The following LDLRAD4 variants were observed in gnomAD, a reference collection of about 807,000 sequenced individuals.
The protein encoded by LDLRAD4 is low-density lipoprotein receptor class A domain-containing protein 4.
LDLRAD4 carries 5 observed loss-of-function variants against 17.0 expected under a neutral mutation model. That is an observed-to-expected ratio of 0.29 (90% CI 0.15 to 0.62). The LOEUF (loss-of-function observed/expected upper bound fraction) is 0.62, where lower values mean the gene tolerates loss of function less well. Among genes scored for constraint, LDLRAD4 ranks in the 20% least tolerant of loss-of-function variants. The pLI is 0.84. For synonymous variants in LDLRAD4, 168 were observed against 171.8 expected, an observed-to-expected ratio of 0.98 and a Z score of 0.17; for missense variants, 340 against 424.7, an observed-to-expected ratio of 0.80 and a Z score of 1.75.
At chr18:13,278,998 C>G (rs2146234482) in intron 1 of LDLRAD4, among the ~76,000 whole-genome samples, 1 of 152,336 alleles carries the variant, frequency 6.6e-6, no homozygotes, top group South Asian at 2.1e-4. Context: ...CACACAGACC[C>G]TGGAATGTAA....
chr18:13,382,431 A>G (rs2085438667), intron 1 of LDLRAD4: 1 of 152,212 alleles, frequency 6.6e-6, no homozygotes, highest in Non-Finnish European at 1.5e-5. Context: ...GTGAGTGTTC[A>G]TGTTTTTAAA....
intron 3 of LDLRAD4, among the ~76,000 whole-genome samples, chr18:13,580,652 G>C (rs2094843701): frequency 6.6e-6 from 1 of 152,210 alleles, no homozygotes; most frequent in Admixed American, 6.5e-5. Context: ...CTGGTCCCCA[G>C]ACTTCTCGGG....
At chr18:13,396,832 G>A (rs557489088) in intron 2 of LDLRAD4, among the ~76,000 whole-genome samples, 2 of 152,320 alleles carry the variant, frequency 1.3e-5, no homozygotes, top group Admixed American at 6.5e-5. Flanking sequence ...AATATTTTCA[G>A]TCTGCAGTTA....
chr18:13,447,860 G>A (rs915675106), intron 3 of LDLRAD4, among the ~76,000 whole-genome samples: 2 of 152,188 alleles, frequency 1.3e-5, no homozygotes, highest in African/African-American at 2.4e-5. Flanking sequence ...CTGCCTGAGC[G>A]AAGCCCTGGT....
At chr18:13,456,587 C>T (rs181772165) in intron 3 of LDLRAD4, among the ~76,000 whole-genome samples, 1 of 152,288 alleles carries the variant, frequency 6.6e-6, no homozygotes, top group Admixed American at 6.5e-5. Context: ...GTAAATCCCT[C>T]CAAGGGAGGG....
chr18:13,249,802 C>G (rs1012073259), intron 1 of LDLRAD4, among the ~76,000 whole-genome samples: 2 of 152,056 alleles, frequency 1.3e-5, no homozygotes, highest in African/African-American at 4.8e-5. Flanking sequence ...CTTTTGGAGT[C>G]TTACTTATAA....
chr18:13,601,640 T>G (rs1250249071), intron 3 of LDLRAD4, among the ~76,000 whole-genome samples: 4 of 126,386 alleles, frequency 3.2e-5, no homozygotes, highest in African/African-American at 9.1e-5. Context: ...GGCGACAGAG[T>G]GAGACTCTGT....
At chr18:13,492,013 A>G (rs1323567163) in intron 3 of LDLRAD4, among the ~76,000 whole-genome samples, 1 of 152,246 alleles carries the variant, frequency 6.6e-6, no homozygotes, top group African/African-American at 2.4e-5. Flanking sequence ...TTTCTTGGGT[A>G]TAATGAATAC....
chr18:13,603,890 C>G (rs187066787), intron 3 of LDLRAD4, among the ~76,000 whole-genome samples: 1 of 152,210 alleles, frequency 6.6e-6, no homozygotes, highest in African/African-American at 2.4e-5. Flanking sequence ...TCGTGGTGGC[C>G]GGCACATAGT....
At chr18:13,476,386 AG>A (rs2092940234) in intron 3 of LDLRAD4, among the ~76,000 whole-genome samples, 2 of 152,112 alleles carry the variant, frequency 1.3e-5, no homozygotes, top group Admixed American at 1.3e-4. Context: ...GCACTTTGGG[AG>A]GCTGAGGCAG....
intron 3 of LDLRAD4, among the ~76,000 whole-genome samples, chr18:13,512,049 C>T (rs776948355): frequency 1.4e-4 from 22 of 152,176 alleles, no homozygotes; most frequent in Non-Finnish European, 2.4e-4. Flanking sequence ...GGAGCGCTTG[C>T]GTTGCTCCGT....
chr18:13,256,918 GAA>G (rs1157751760), intron 1 of LDLRAD4, among the ~76,000 whole-genome samples: 1 of 152,240 alleles, frequency 6.6e-6, no homozygotes, highest in Admixed American at 6.5e-5. Flanking sequence ...CACTTACTTG[GAA>G]AATATTGCCC....
chr18:13,571,066 C>G (rs1336525498), intron 3 of LDLRAD4, among the ~76,000 whole-genome samples: 1 of 152,116 alleles, frequency 6.6e-6, no homozygotes, highest in East Asian at 1.9e-4. Context: ...GCGATCCTCC[C>G]GCCTCAGCCT....
intron 3 of LDLRAD4, among the ~76,000 whole-genome samples, chr18:13,548,808 C>T (rs549960764): frequency 8.9e-4 from 136 of 152,362 alleles, no homozygotes; most frequent in African/African-American, 3.1e-3. Flanking sequence ...AGGGAGCACA[C>T]GGCCCCACCC....
At chr18:13,492,856 G>A (rs1568248264) in intron 3 of LDLRAD4, among the ~76,000 whole-genome samples, 2 of 152,206 alleles carry the variant, frequency 1.3e-5, no homozygotes, top group African/African-American at 4.8e-5. Context: ...CGGGCTGGGT[G>A]CAGTGGCTCA....
chr18:13,429,681 G>C (rs532691516), intron 2 of LDLRAD4, among the ~76,000 whole-genome samples: 1 of 152,214 alleles, frequency 6.6e-6, no homozygotes. Flanking sequence ...ACGCAAAGAG[G>C]CTTTCAGGCC....
At chr18:13,506,403 G>A (rs189089366) in intron 3 of LDLRAD4, among the ~76,000 whole-genome samples, 5 of 123,530 alleles carry the variant, frequency 4.0e-5, no homozygotes, top group East Asian at 2.3e-4. Flanking sequence ...TTATAACTCC[G>A]TTTACGGTAG....
chr18:13,421,375 C>T (rs987763855), intron 2 of LDLRAD4, among the ~76,000 whole-genome samples: 4 of 152,200 alleles, frequency 2.6e-5, no homozygotes, highest in Non-Finnish European at 4.4e-5. Context: ...GGCCATCACC[C>T]GCTCACTGCA....
At chr18:13,462,198 C>A (rs1249556544) in intron 3 of LDLRAD4, 2 of 152,166 alleles carry the variant, frequency 1.3e-5, no homozygotes, top group African/African-American at 4.8e-5. Flanking sequence ...TCACTGGCCT[C>A]AAAAAAGCAG....
Sources: allele counts gnomAD v4.1 joint callset (sites outside exome capture counted in the v4.1 genomes callset), GRCh38; gene constraint gnomAD v4.1.1; transcripts MANE v1.5; gene names NCBI Gene and HGNC (gene_info 2026-07-23, HGNC 2026-07-21).